Variants in ELL2 observed in about 807,000 individuals in gnomAD.
ELL2 encodes the protein RNA polymerase II elongation factor ELL2.
In ELL2, 21 loss-of-function variants were observed where a neutral mutation model predicts 72.8. That is an observed-to-expected ratio of 0.29 (90% CI 0.20 to 0.42). The LOEUF (loss-of-function observed/expected upper bound fraction) is 0.42, where lower values mean the gene tolerates loss of function less well. ELL2 is among the 10% of genes least tolerant of loss of function. ELL2 has a pLI of 1.00. For missense variants in ELL2, 568 were observed against 772.8 expected, an observed-to-expected ratio of 0.73 and a Z score of 3.14; for synonymous variants, 266 against 283.2, an observed-to-expected ratio of 0.94 and a Z score of 0.61.
At chr5:95,904,709 G>T (rs1749289755) in intron 5 of ELL2, among the ~76,000 whole-genome samples, 1 of 152,230 alleles carries the variant, frequency 6.6e-6, no homozygotes, top group Non-Finnish European at 1.5e-5. Context: ...ATTTTGGGAT[G>T]ATTTGTATGT....
chr5:95,927,409 GTGTGTATATAGACATACACACACA>G lies in ELL2; in HGVS notation c.196-7888_196-7865del, dbSNP rs1750347795. ...TGTGTATATATAGACATACACACAC[GTGTGTATATAGACATACACACACA>G]CGTGTGTATATAGACATACACACAC... On this transcript the variant is annotated intron_variant, in intron 2 of 11. Transcript: ENST00000237853. 1.7e-3 allele frequency among the ~76,000 whole-genome samples: 23 copies of G among 13,904 alleles called. 5 individuals are homozygous for G. Among genetic ancestry groups the G allele is most frequent in the African/African-American group, 3.0e-3 (5 of 1,646 alleles). 9.1% of individuals were successfully genotyped at this position (13,904 alleles called of 152,430 possible).
intron 2 of ELL2, among the ~76,000 whole-genome samples, chr5:95,939,117 T>C (rs61654313): frequency 2.6e-5 from 4 of 152,224 alleles, no homozygotes; most frequent in Admixed American, 6.5e-5. Flanking sequence ...ATAGGTCTTC[T>C]GGAATTTTAC....
chr5:95,904,893 G>C (rs544544852), intron 5 of ELL2, among the ~76,000 whole-genome samples: 1 of 152,228 alleles, frequency 6.6e-6, no homozygotes, highest in South Asian at 2.1e-4. Context: ...GGATAAATGA[G>C]ATCGTGCACG....
At chr5:95,938,627 A>G (rs1750861990) in intron 2 of ELL2, among the ~76,000 whole-genome samples, 2 of 152,046 alleles carry the variant, frequency 1.3e-5, no homozygotes, top group Admixed American at 6.6e-5. Flanking sequence ...GAGGCTGAGG[A>G]GGGAGGATTG....
chr5:95,957,772 GA>G (rs562827530), intron 1 of ELL2, among the ~76,000 whole-genome samples: 1,989 of 151,444 alleles, frequency 0.013, 42 homozygotes, highest in African/African-American at 0.045. Flanking sequence ...ATTGTAATTT[GA>G]AAAAAAACAA....
chr5:95,891,068 T>G, intron 10 of ELL2, 35 bp downstream of exon 10: 1 of 1,613,844 alleles, frequency 6.2e-7, no homozygotes, highest in South Asian at 1.1e-5. Flanking sequence ...AGGTAAAATA[T>G]GAAAGTCAGC....
rs533135424 is a variant in ELL2, at chr5:95,929,874, T to C, written c.196-10329A>G. Among the ~76,000 whole-genome samples, 3 of 152,118 alleles carry C rather than the reference T, an allele frequency of 2.0e-5. No homozygotes were observed. The South Asian group carries it at 6.2e-4, about 32-fold the overall frequency. The stretch of plus-strand genomic sequence containing the variant: ...AGGGTGAGAAAGTTTCTAACCTCTC[T>C]TATGCTATGTTTAGCCCCAAAGCCT... On this transcript the variant is annotated intron_variant, in intron 2 of 11. Coordinates refer to ENST00000237853, the MANE Select transcript of ELL2 (RefSeq NM_012081.6).
chr5:95,917,040 C>G (rs1208880653), intron 3 of ELL2, among the ~76,000 whole-genome samples: 3 of 152,178 alleles, frequency 2.0e-5, no homozygotes, highest in African/African-American at 7.2e-5. Flanking sequence ...TTCACTCATC[C>G]CTTCTCAACC....
intron 2 of ELL2, 72 bp from the exon 3 acceptor site, chr5:95,919,617 A>G: frequency 8.8e-6 from 13 of 1,471,938 alleles, no homozygotes; most frequent in Non-Finnish European, 1.2e-5. Flanking sequence ...AGACTGACTT[A>G]CTGGTTTTTC....
rs371036386 is a variant in ELL2 at position 95,913,560 on chromosome 5, T to G, written c.481+211A>C. The G allele has an allele frequency of 4.0e-5, 18 of 444,894 alleles. No homozygotes were observed. The South Asian group carries it at 8.1e-4, about 20-fold the overall frequency. 27.6% of individuals were successfully genotyped at this position (444,894 alleles called of 1,614,324 possible). The stretch of plus-strand genomic sequence containing the variant: ...GTAAGTAGCCAACGAAGATTCAGGA[T>G]TTAGGAAAGTCATAGAACTTTAAAA... On this transcript the variant is annotated intron_variant, in intron 4 of 11. Transcript: ENST00000237853.
intron 2 of ELL2, among the ~76,000 whole-genome samples, chr5:95,920,277 ATATT>A (rs70978197): frequency 0.18 from 24,854 of 135,050 alleles, 2,312 homozygotes; most frequent in South Asian, 0.28. Flanking sequence ...TAAATTTTTA[ATATT>A]TATTTATTTA....
At chr5:95,950,942 A>G (rs1224375959) in intron 1 of ELL2, among the ~76,000 whole-genome samples, 1 of 107,344 alleles carries the variant, frequency 9.3e-6, no homozygotes, top group African/African-American at 3.9e-5. Flanking sequence ...ATATATATAT[A>G]TATATATATA....
At chr5:95,945,689 T>C (rs1751130402) in intron 1 of ELL2, among the ~76,000 whole-genome samples, 2 of 152,136 alleles carry the variant, frequency 1.3e-5, no homozygotes, top group Admixed American at 1.3e-4. Context: ...AGGTGGCTCT[T>C]GAATAGCAGT....
chr5:95,961,401 A>G (rs1031720257), intron 1 of ELL2, among the ~76,000 whole-genome samples, 174 bp downstream of exon 1: 3 of 151,484 alleles, frequency 2.0e-5, no homozygotes, highest in East Asian at 3.9e-4. Flanking sequence ...CGCCCAGGCT[A>G]GCCCGGGACC....
intron 1 of ELL2, among the ~76,000 whole-genome samples, chr5:95,950,920 A>G (rs1169888729): frequency 4.9e-5 from 5 of 102,880 alleles, no homozygotes; most frequent in African/African-American, 2.1e-4. Context: ...ATATATATAT[A>G]TATATATATA....
chr5:95,936,043 C>A (rs1750761552), intron 2 of ELL2, among the ~76,000 whole-genome samples: 1 of 152,124 alleles, frequency 6.6e-6, no homozygotes, highest in Non-Finnish European at 1.5e-5. Flanking sequence ...GACTAGGATT[C>A]TTTTTAAATG....
chr5:95,945,509 TA>T (rs1446194218), intron 1 of ELL2, among the ~76,000 whole-genome samples: 1 of 152,174 alleles, frequency 6.6e-6, no homozygotes, highest in African/African-American at 2.4e-5. Context: ...ACACATCTGT[TA>T]ATGGGGTATT....
At chr5:95,922,072 T>C (rs1160537994) in intron 2 of ELL2, among the ~76,000 whole-genome samples, 1 of 68,870 alleles carries the variant, frequency 1.5e-5, no homozygotes, top group African/African-American at 8.3e-5. Flanking sequence ...CTAAATTGCA[T>C]TTTTTTTTTT....
chr5:95,886,399 T>G lies in ELL2; in HGVS notation c.*2472A>C, dbSNP rs978376496. 1.3e-5 allele frequency: 2 copies of G among 152,188 alleles called. No individual in the cohort carries two copies. Among genetic ancestry groups the G allele is most frequent in the African/African-American group, 4.8e-5 (2 of 41,448 alleles). The allele number at this position is 152,188 out of a possible 1,614,324, so 9.4% of individuals were successfully genotyped here. A position where few individuals can be genotyped will look rare whatever the true frequency, so the allele number is the denominator to read the frequency against. ...TACAACTAACATCTAAATTAAGGCT[T>G]TTACTGGTATGTGATCAGGTCTAAG... On this transcript the variant is annotated 3_prime_UTR_variant, in exon 12 of 12. Transcript: ENST00000237853.
Sources: gnomAD v4.1 joint callset for allele counts (sites outside exome capture counted in the v4.1 genomes callset) on GRCh38, gnomAD v4.1.1 for gene constraint, MANE v1.5 for transcripts, NCBI Gene and HGNC (gene_info 2026-07-23, HGNC 2026-07-21) for gene names.